EYA4: variants seen among roughly 807,000 people sequenced by gnomAD.
EYA4 encodes EYA transcriptional coactivator and phosphatase 4.
Under a neutral mutation model 87.9 loss-of-function variants are expected in EYA4, and 31 were observed. That is an observed-to-expected ratio of 0.35 (90% CI 0.27 to 0.48). The LOEUF is 0.48. Ranked by LOEUF, EYA4 falls within the 20% of genes least tolerant of loss-of-function variation. The pLI is 0.99. For synonymous variants in EYA4, 263 were observed against 270.6 expected, an observed-to-expected ratio of 0.97 and a Z score of 0.28; for missense variants, 678 against 761.4, an observed-to-expected ratio of 0.89 and a Z score of 1.29.
chr6:133,479,640 TAATTTA>T (rs1364363863), intron 11 of EYA4, among the ~76,000 whole-genome samples: 15 of 152,224 alleles, frequency 9.9e-5, no homozygotes, highest in Non-Finnish European at 2.9e-5. Flanking sequence ...AAAAATCATG[TAATTTA>T]AATTTAATGT....
chr6:133,466,920 T>C (rs1794901380), intron 10 of EYA4, among the ~76,000 whole-genome samples: 1 of 152,120 alleles, frequency 6.6e-6, no homozygotes, highest in South Asian at 2.1e-4. Context: ...AGTGGGAGGC[T>C]ATGATAGCAT....
intron 2 of EYA4, among the ~76,000 whole-genome samples, chr6:133,306,830 T>C (rs1157814202): frequency 6.6e-6 from 1 of 152,136 alleles, no homozygotes; most frequent in Non-Finnish European, 1.5e-5. Context: ...TTGACAGAGA[T>C]CCTCAGTAAG....
chr6:133,514,516 C>G (rs1447411283), intron 16 of EYA4, among the ~76,000 whole-genome samples: 3 of 152,114 alleles, frequency 2.0e-5, no homozygotes, highest in African/African-American at 7.2e-5. Context: ...ATAATGAGGA[C>G]AAATGAGACT....
intron 11 of EYA4, among the ~76,000 whole-genome samples, chr6:133,477,833 C>A (rs111428610): frequency 1.6e-4 from 24 of 146,404 alleles, no homozygotes; most frequent in African/African-American, 5.4e-4. Flanking sequence ...CACACACACA[C>A]GCATATATAT....
intron 3 of EYA4, among the ~76,000 whole-genome samples, chr6:133,415,048 G>A (rs992361905): frequency 1.3e-5 from 2 of 152,052 alleles, no homozygotes; most frequent in Non-Finnish European, 1.5e-5. Context: ...TTTTACAGAT[G>A]GGCAAATTGT....
chr6:133,386,694 C>T (rs1021487592), intron 3 of EYA4, among the ~76,000 whole-genome samples: 2 of 152,120 alleles, frequency 1.3e-5, no homozygotes, highest in African/African-American at 4.8e-5. Context: ...TGAAATTGGG[C>T]TGTGAAGTGA....
intron 4 of EYA4, among the ~76,000 whole-genome samples, chr6:133,447,247 G>A (rs534539014): frequency 1.1e-4 from 16 of 152,220 alleles, no homozygotes; most frequent in Non-Finnish European, 2.4e-4. Context: ...TCTTTTCAAA[G>A]AGAATAACAC....
At chr6:133,392,328 A>T (rs1252533118) in intron 3 of EYA4, among the ~76,000 whole-genome samples, 1 of 144,312 alleles carries the variant, frequency 6.9e-6, no homozygotes, top group Non-Finnish European at 1.5e-5. Context: ...TTAGCTCTTT[A>T]AAAAAAAAAA....
rs1789166897 is a variant in EYA4 at position 133,410,910 on chromosome 6, G to A, written c.83+28469G>A. On this transcript the variant is annotated intron_variant, in intron 3 of 19. Transcript: ENST00000355286. Reference sequence around the variant, plus strand: ...AGAAGATCAAAGTAGCAGTACTGAAGTTGGAGCTTTAGAGGTGGGGATGAG... The same window carrying A: ...AGAAGATCAAAGTAGCAGTACTGAAATTGGAGCTTTAGAGGTGGGGATGAG... Among the ~76,000 whole-genome samples the A allele has an allele frequency of 5.3e-5, 8 of 152,040 alleles. 1 individual carries two copies. The highest frequency in any genetic ancestry group is 5.2e-4 in the Admixed American group (8 of 15,262).
At chr6:133,345,113 A>G (rs1216601836) in intron 2 of EYA4, among the ~76,000 whole-genome samples, 1 of 152,158 alleles carries the variant, frequency 6.6e-6, no homozygotes, top group African/African-American at 2.4e-5. Context: ...TTGTGTATGT[A>G]TGGGACCCAT....
At chr6:133,469,207 G>C (rs535361251) in intron 11 of EYA4, among the ~76,000 whole-genome samples, 1 of 152,090 alleles carries the variant, frequency 6.6e-6, no homozygotes, top group South Asian at 2.1e-4. Flanking sequence ...TCCATTGTGT[G>C]TTTCATTATC....
intron 13 of EYA4, chr6:133,502,375 A>T (rs1798207933): frequency 6.6e-6 from 1 of 152,190 alleles, no homozygotes; most frequent in African/African-American, 2.4e-5. Flanking sequence ...GCAACTCTTG[A>T]TTCATAAGGT....
intron 6 of EYA4, among the ~76,000 whole-genome samples, chr6:133,460,710 T>C (rs749385993): frequency 6.6e-6 from 1 of 152,078 alleles, no homozygotes; most frequent in Non-Finnish European, 1.5e-5. Flanking sequence ...AGAACAGATA[T>C]GGAGGAAGAG....
intron 2 of EYA4, among the ~76,000 whole-genome samples, chr6:133,275,938 G>T (rs1693393295): frequency 6.6e-6 from 1 of 152,168 alleles, no homozygotes; most frequent in Non-Finnish European, 1.5e-5. Context: ...CTCTAGAATT[G>T]TGTGACTTCT....
At position 133,316,523 on chromosome 6, in the gene EYA4, A is replaced by G. The variant is rs1780634390; in HGVS notation, c.33+41710A>G. Among the ~76,000 whole-genome samples, 4 of 152,186 alleles carry G rather than the reference A, an allele frequency of 2.6e-5. No individual in the cohort carries two copies. The South Asian group carries it at 8.3e-4, about 32-fold the overall frequency. ...TTTAGATAACCTGATAGTTTAGAAAATTAATACTGAAGCAATTAATTGAAA... is the reference window on the plus strand; with the variant it reads ...TTTAGATAACCTGATAGTTTAGAAAGTTAATACTGAAGCAATTAATTGAAA... On this transcript the variant is annotated intron_variant, in intron 2 of 19. Coordinates refer to ENST00000355286, the MANE Select transcript of EYA4 (RefSeq NM_004100.5).
chr6:133,407,010 G>A (rs1209134828), intron 3 of EYA4, among the ~76,000 whole-genome samples: 2 of 152,098 alleles, frequency 1.3e-5, no homozygotes, highest in East Asian at 3.8e-4. Context: ...TCTTTCTCTT[G>A]AGCAGATTTT....
intron 2 of EYA4, among the ~76,000 whole-genome samples, chr6:133,291,241 G>A (rs1037249991): frequency 4.6e-5 from 7 of 152,154 alleles, no homozygotes; most frequent in African/African-American, 7.2e-5. Context: ...ATAGACTTAA[G>A]TTGTATTCAG....
chr6:133,518,963 A>C (rs142894948), intron 17 of EYA4, among the ~76,000 whole-genome samples: 187 of 151,068 alleles, frequency 1.2e-3, no homozygotes, highest in Non-Finnish European at 1.9e-3. Context: ...ACAAAGACAC[A>C]ACATACCAGA....
intron 1 of EYA4, among the ~76,000 whole-genome samples, chr6:133,273,093 A>G (rs974152415): frequency 4.3e-5 from 5 of 117,020 alleles, no homozygotes; most frequent in African/African-American, 1.3e-4. Context: ...GGAGATATAT[A>G]TATGTATATA....
Sources: allele counts gnomAD v4.1 joint callset (sites outside exome capture counted in the v4.1 genomes callset), GRCh38; gene constraint gnomAD v4.1.1; transcripts MANE v1.5; gene names NCBI Gene and HGNC (gene_info 2026-07-23, HGNC 2026-07-21).